NDUFA2: variants seen among roughly 807,000 people sequenced by gnomAD.
NDUFA2 encodes the protein NADH:ubiquinone oxidoreductase subunit A2.
Under a neutral mutation model 11.4 loss-of-function variants are expected in NDUFA2, and 9 were observed. The observed-to-expected ratio is 0.79, with a 90% CI of 0.48 to 1.38. NDUFA2 has a LOEUF of 1.38. Among genes scored for constraint, NDUFA2 ranks in the 40% most tolerant of loss-of-function variants. The pLI is 0.00. For missense variants in NDUFA2, 150 were observed against 131.2 expected (o/e 1.14, Z -0.70); for synonymous variants, 49 against 54.0 (o/e 0.91, Z 0.41).
intron 1 of NDUFA2, 29 bp downstream of exon 1, chr5:140,647,454 C>T: frequency 1.2e-6 from 2 of 1,607,652 alleles, no homozygotes; most frequent in Non-Finnish European, 8.5e-7. Context: ...CGTCCCGAAG[C>T]CCGCCCGCCT....
intron 2 of NDUFA2, among the ~76,000 whole-genome samples, chr5:140,646,007 CTCT>C (rs1181809223): frequency 2.2e-5 from 3 of 138,580 alleles, no homozygotes; most frequent in Non-Finnish European, 3.1e-5. Context: ...CCCATTCTCT[CTCT>C]TTTTTTTTTT....
chr5:140,646,918 T>G, intron 2 of NDUFA2: 1 of 218,958 alleles, frequency 4.6e-6, no homozygotes, highest in Non-Finnish European at 9.2e-6. Context: ...ATTACTGAGA[T>G]TCTCACACAC....
chr5:140,647,248 G>T lies in NDUFA2; in HGVS notation c.208+8C>A. 1 of 1,540,016 alleles carries T rather than the reference G, an allele frequency of 6.5e-7. No individual in the cohort carries two copies. The highest frequency in any genetic ancestry group is 8.7e-7 in the Non-Finnish European group (1 of 1,143,710). On this transcript the variant is annotated splice_region_variant and intron_variant, in intron 2 of 2. Transcript: ENST00000252102. ...CGGAGCCCCAGACCCCTGGCGTCCC[G>T]CACTCACCGTAGCGGGCCCAGAGCT...
At position 140,645,468 on chromosome 5, in the gene NDUFA2, A is replaced by G. The variant is rs1757340970; in HGVS notation, c.*119T>C. 7.4e-7 allele frequency: 1 copy of G among 1,343,764 alleles called. No homozygotes were observed. The highest frequency in any genetic ancestry group is 1.2e-5 in the South Asian group (1 of 81,688). The allele number at this position is 1,343,764 out of a possible 1,614,324, so 83.2% of individuals were successfully genotyped here. ...GGTAGATGAGGACAAGAACACCCTGAGAAAGTATTTTACAGCACAAGCTTT... is the reference window on the plus strand; with the variant it reads ...GGTAGATGAGGACAAGAACACCCTGGGAAAGTATTTTACAGCACAAGCTTT... On this transcript the variant is annotated 3_prime_UTR_variant, in exon 3 of 3. Coordinates refer to ENST00000252102, the MANE Select transcript of NDUFA2 (RefSeq NM_002488.5).
chr5:140,647,075 A>AATACAACGCATC, intron 2 of NDUFA2, 181 bp downstream of exon 2: 1 of 697,948 alleles, frequency 1.4e-6, no homozygotes, highest in Non-Finnish European at 2.3e-6. Flanking sequence ...TGTTGCCCGG[A>AATACAACGCATC]ATACAACGCA....
Position 140,647,553 on chromosome 5 carries a change from C to G in NDUFA2, c.31G>C (p.Gly11Arg), listed in dbSNP as rs375905956. 7.1e-5 allele frequency: 115 copies of G among 1,611,698 alleles called. No homozygotes were observed. In the South Asian group the frequency reaches 9.2e-4, roughly 13 times the overall value. The stretch of plus-strand genomic sequence containing the variant: ...ATCTCACGCAGGCCCAGCTTTGCCC[C>G]GACTCCTCGACTTGCTGCGGCCGCC... MAAAAASRGV[G>R]AKLGLREIRI... Residue 11 changes from glycine (G) to arginine (R), a missense_variant, in exon 1 of 3, where the codon GGG becomes CGG. By Grantham distance (125) the Gly-to-Arg change is moderately radical. Transcript: ENST00000252102.
At position 140,645,442 on chromosome 5, in the gene NDUFA2, G is replaced by T; in HGVS notation, c.*145C>A. ...CAGTGGTTGCACAGTAAGGGGTAGAGGGTAGATGAGGACAAGAACACCCTG... is the reference window on the plus strand; with the variant it reads ...CAGTGGTTGCACAGTAAGGGGTAGATGGTAGATGAGGACAAGAACACCCTG... On this transcript the variant is annotated 3_prime_UTR_variant, in exon 3 of 3. Coordinates refer to ENST00000252102, the MANE Select transcript of NDUFA2 (RefSeq NM_002488.5). 3 of 1,040,278 alleles carry T rather than the reference G, an allele frequency of 2.9e-6. No individual in the cohort carries two copies. Among genetic ancestry groups the T allele is most frequent in the East Asian group, 2.5e-5 (1 of 39,346 alleles). 64.4% of individuals were successfully genotyped at this position (1,040,278 alleles called of 1,614,324 possible).
At chr5:140,646,577 C>T (rs1378078041) in intron 2 of NDUFA2, among the ~76,000 whole-genome samples, 4 of 152,146 alleles carry the variant, frequency 2.6e-5, no homozygotes, top group Admixed American at 2.6e-4. Flanking sequence ...TGATTAAAAT[C>T]CTGTTATTCA....
rs752704993 is a variant in NDUFA2, at chr5:140,645,561, G to C, written c.*26C>G. On this transcript the variant is annotated 3_prime_UTR_variant, in exon 3 of 3. Transcript: ENST00000252102. Reference sequence around the variant, plus strand: ...CCAGCAGAGCCCAGGCTCTGGGGCTGTTGCTCTTAATCCTCAGTGGAGGCT... The same window carrying C: ...CCAGCAGAGCCCAGGCTCTGGGGCTCTTGCTCTTAATCCTCAGTGGAGGCT... The C allele has an allele frequency of 6.2e-7, 1 of 1,613,854 alleles. No individual in the cohort carries two copies. Among genetic ancestry groups the C allele is most frequent in the South Asian group, 1.1e-5 (1 of 91,072 alleles).
chr5:140,646,571 TA>T (rs1307476459), intron 2 of NDUFA2, among the ~76,000 whole-genome samples: 3 of 152,144 alleles, frequency 2.0e-5, no homozygotes, highest in Non-Finnish European at 2.9e-5. Context: ...AAGCTGTGAT[TA>T]AAATCCTGTT....
Position 140,647,010 on chromosome 5 carries a change from T to C in NDUFA2, c.208+246A>G. 4 of 460,070 alleles carry C rather than the reference T, an allele frequency of 8.7e-6. 1 individual carries two copies. In the South Asian group the frequency reaches 1.4e-4, roughly 16 times the overall value. 28.5% of individuals were successfully genotyped at this position (460,070 alleles called of 1,614,324 possible). On this transcript the variant is annotated intron_variant, in intron 2 of 2. Transcript: ENST00000252102. Reference sequence around the variant, plus strand: ...CTCCTGTCTGAAGCCCATTCTTAACTACAAAAACGTCAGCTCCTGGTCCCT... The same window carrying C: ...CTCCTGTCTGAAGCCCATTCTTAACCACAAAAACGTCAGCTCCTGGTCCCT...
chr5:140,646,325 T>C (rs1178936467), intron 2 of NDUFA2, among the ~76,000 whole-genome samples: 1 of 152,138 alleles, frequency 6.6e-6, no homozygotes, highest in Non-Finnish European at 1.5e-5. Context: ...ACCCATTCTC[T>C]AGGCTCCCAT....
chr5:140,645,391 T>C lies in NDUFA2; in HGVS notation c.*196A>G, dbSNP rs1454589237. 2 of 812,304 alleles carry C rather than the reference T, an allele frequency of 2.5e-6. No homozygotes were observed. The highest frequency in any genetic ancestry group is 4.1e-6 in the Non-Finnish European group (2 of 487,910). 50.3% of individuals were successfully genotyped at this position (812,304 alleles called of 1,614,324 possible). On this transcript the variant is annotated 3_prime_UTR_variant, in exon 3 of 3. Coordinates refer to ENST00000252102, the MANE Select transcript of NDUFA2 (RefSeq NM_002488.5). ...CTTTTGATGAGACAGAATAAAGTTT[T>C]ATTTTTATATTAAGCTACTTTGCCT...
chr5:140,646,319 A>G (rs1007863804), intron 2 of NDUFA2, among the ~76,000 whole-genome samples: 1 of 152,074 alleles, frequency 6.6e-6, no homozygotes, highest in African/African-American at 2.4e-5. Flanking sequence ...CTGGGTACCC[A>G]TTCTCTAGGC....
chr5:140,647,456 C>A (rs200503970), intron 1 of NDUFA2, 27 bp downstream of exon 1: 2 of 1,608,524 alleles, frequency 1.2e-6, no homozygotes, highest in African/African-American at 2.7e-5. Flanking sequence ...TCCCGAAGCC[C>A]GCCCGCCTCA....
chr5:140,645,802 C>T, intron 2 of NDUFA2, 124 bp from the exon 3 acceptor site: 1 of 1,478,274 alleles, frequency 6.8e-7, no homozygotes, highest in Non-Finnish European at 9.2e-7. Flanking sequence ...GAGATATGAT[C>T]AAAATACATT....
At chr5:140,646,665 C>T (rs1238875276) in intron 2 of NDUFA2, among the ~76,000 whole-genome samples, 1 of 152,136 alleles carries the variant, frequency 6.6e-6, no homozygotes, top group Non-Finnish European at 1.5e-5. Flanking sequence ...AATACATTGC[C>T]ATGCCAGTCT....
intron 2 of NDUFA2, among the ~76,000 whole-genome samples, chr5:140,645,942 TTTA>T (rs1251899561): frequency 6.6e-6 from 1 of 152,006 alleles, no homozygotes; most frequent in Non-Finnish European, 1.5e-5. Context: ...ACTGTAGGCA[TTTA>T]TTATTAACTA....
rs142709800 is a variant in NDUFA2 at position 140,646,354 on chromosome 5, C to A, written c.209-676G>T. 2.8e-3 allele frequency among the ~76,000 whole-genome samples: 420 copies of A among 152,240 alleles called. 3 individuals are homozygous for A. Among genetic ancestry groups the A allele is most frequent in the Middle Eastern group, 0.014 (4 of 294 alleles). On this transcript the variant is annotated intron_variant, in intron 2 of 2. Transcript: ENST00000252102. ...CTCCCATAGGCTATCTAACATAATACCCAGCACAATACACTAAAGTTACTC... is the reference window on the plus strand; with the variant it reads ...CTCCCATAGGCTATCTAACATAATAACCAGCACAATACACTAAAGTTACTC...
Sources: gnomAD v4.1 joint callset for allele counts (sites outside exome capture counted in the v4.1 genomes callset) on GRCh38, gnomAD v4.1.1 for gene constraint, MANE v1.5 for transcripts, NCBI Gene and HGNC (gene_info 2026-07-23, HGNC 2026-07-21) for gene names.